The following ERCC6 variants were observed in gnomAD, a reference collection of about 807,000 sequenced individuals.
ERCC6 encodes ERCC excision repair 6, chromatin remodeling factor.
In ERCC6, 116 loss-of-function variants were observed where a neutral mutation model predicts 158.7. That is an observed-to-expected ratio of 0.73 (90% CI 0.63 to 0.85). The LOEUF is 0.85. ERCC6 is among the 40% of genes least tolerant of loss of function. The pLI, the probability that ERCC6 is intolerant of heterozygous loss-of-function variation, is 0.00. For synonymous variants in ERCC6, 678 were observed against 659.3 expected (o/e 1.03, Z -0.43); for missense variants, 1,698 against 1,799.4 (o/e 0.94, Z 1.02).
chr10:49,532,519 A>T lies in ERCC6; in HGVS notation c.422+24T>A, dbSNP rs757954437. On this transcript the variant is annotated intron_variant, in intron 2 of 20. Coordinates refer to ENST00000355832, the MANE Select transcript of ERCC6 (RefSeq NM_000124.4). ...TGTCATGTTTTACCACCACTTTGAA[A>T]GGAAGAAGATGGGCTGCACTCACGT... 2.5e-6 allele frequency: 4 copies of T among 1,612,336 alleles called. No individual in the cohort carries two copies. In the East Asian group the frequency reaches 8.9e-5, roughly 36 times the overall value.
the ERCC6 span, among the ~76,000 whole-genome samples, chr10:49,438,524 G>A: frequency 3.3e-5 from 5 of 152,070 alleles, no homozygotes; most frequent in African/African-American, 9.7e-5. Context: ...GGGAATTCTG[G>A]GAGCTACAAT....
chr10:49,519,356 C>T (rs1837084025), intron 5 of ERCC6, among the ~76,000 whole-genome samples: 1 of 152,168 alleles, frequency 6.6e-6, no homozygotes, highest in Non-Finnish European at 1.5e-5. Flanking sequence ...TGTGTATTCA[C>T]AGAACCAAAG....
chr10:49,538,558 G>A (rs1417877745), intron 1 of ERCC6, among the ~76,000 whole-genome samples: 2 of 152,284 alleles, frequency 1.3e-5, no homozygotes, highest in East Asian at 1.9e-4. Context: ...TGCCTCATCC[G>A]CCCACACTCT....
Position 49,471,266 on chromosome 10 carries a change from C to T in ERCC6, c.2925-146G>A, listed in dbSNP as rs56292234. ...CCAAACTTTCAGCCTTGGAAAATTA[C>T]AATTCAGGAAATATATAATACATCA... is the stretch of plus-strand genomic sequence containing the variant. On this transcript the variant is annotated intron_variant, in intron 16 of 20. Coordinates refer to ENST00000355832, the MANE Select transcript of ERCC6 (RefSeq NM_000124.4). The T allele has an allele frequency of 1.4e-3, 1,103 of 762,884 alleles. 7 individuals carry two copies. The African/African-American group carries it at 0.016, about 11-fold the overall frequency. The allele number at this position is 762,884 out of a possible 1,614,324, so 47.3% of individuals were successfully genotyped here.
In ERCC6 at chr10:49,459,241, AAAG is replaced by A. The variant is rs766614166; in HGVS notation, c.4063-10_4063-8del. ...CCTTTTTCATGATGCCATCCTATAA[AAAG>A]AAGACCACTATACTGATATATTTAA... is the stretch of plus-strand genomic sequence containing the variant. On this transcript the variant is annotated splice_polypyrimidine_tract_variant and splice_region_variant and intron_variant, in intron 20 of 20. Coordinates refer to ENST00000355832, the MANE Select transcript of ERCC6 (RefSeq NM_000124.4). 1 of 1,613,740 alleles carries A rather than the reference AAAG, an allele frequency of 6.2e-7. No individual in the cohort carries two copies. The highest frequency in any genetic ancestry group is 1.7e-5 in the Admixed American group (1 of 60,018).
At chr10:49,443,520 C>T in the ERCC6 span, among the ~76,000 whole-genome samples, 1 of 152,174 alleles carries the variant, frequency 6.6e-6, no homozygotes, top group Non-Finnish European at 1.5e-5. Context: ...TATCTTGATG[C>T]TGTTGTAAAC....
chr10:49,505,783 A>G (rs371055602), intron 6 of ERCC6, 101 bp downstream of exon 6: 1 of 1,400,666 alleles, frequency 7.1e-7, no homozygotes, highest in African/African-American at 1.4e-5. Context: ...TGCTGCAAGT[A>G]CCTTCAGGGC....
intron 4 of ERCC6, among the ~76,000 whole-genome samples, chr10:49,525,792 T>C (rs1279558732): frequency 6.6e-6 from 1 of 152,052 alleles, no homozygotes; most frequent in Non-Finnish European, 1.5e-5. Context: ...CACCACCAGA[T>C]GAGCCCTTCA....
chr10:49,486,868 A>G (rs1254904399), intron 8 of ERCC6, among the ~76,000 whole-genome samples: 1 of 152,240 alleles, frequency 6.6e-6, no homozygotes, highest in Non-Finnish European at 1.5e-5. Flanking sequence ...TTACAAGGCT[A>G]GCAAACCCTG....
the ERCC6 span, among the ~76,000 whole-genome samples, chr10:49,447,446 G>A: frequency 6.6e-6 from 1 of 152,244 alleles, no homozygotes; most frequent in African/African-American, 2.4e-5. Context: ...CCAGCACTTT[G>A]GGAGGCCGAG....
At chr10:49,476,098 A>G in intron 12 of ERCC6, 117 bp downstream of exon 12, 2 of 771,364 alleles carry the variant, frequency 2.6e-6, no homozygotes, top group Non-Finnish European at 2.3e-6. Context: ...ACTTCATGCA[A>G]GTGAAGTGAG....
chr10:49,470,775 GAT>G lies in ERCC6; in HGVS notation c.3183_3184del (p.Ser1062CysfsTer3), dbSNP rs1850763282. The stretch of plus-strand genomic sequence containing the variant: ...TTCAGATGATGTGGCATCATTTACA[GAT>G]ATGTTAGAAGCAGGGAACTTCTTGC... On this transcript the variant is annotated frameshift_variant, in exon 18 of 21. Transcript: ENST00000355832. LOFTEE classifies it high-confidence loss of function. 1 of 1,614,160 alleles carries G rather than the reference GAT, an allele frequency of 6.2e-7. No homozygotes were observed.
At chr10:49,507,887 G>A (rs1851470794) in intron 5 of ERCC6, among the ~76,000 whole-genome samples, 1 of 152,020 alleles carries the variant, frequency 6.6e-6, no homozygotes, top group South Asian at 2.1e-4. Flanking sequence ...TGGCATATAG[G>A]TATCCCTTAC....
At chr10:49,512,273 AAAGAG>A (rs1836834559) in intron 5 of ERCC6, among the ~76,000 whole-genome samples, 1 of 152,092 alleles carries the variant, frequency 6.6e-6, no homozygotes, top group South Asian at 2.1e-4. Context: ...AATCAAGCCA[AAAGAG>A]AAGACACAAA....
chr10:49,439,506 G>A, the ERCC6 span, among the ~76,000 whole-genome samples: 9 of 152,192 alleles, frequency 5.9e-5, no homozygotes, highest in East Asian at 1.2e-3. Flanking sequence ...CTAGGCCTTC[G>A]GGCCTGTGAT....
At chr10:49,472,683 T>A in intron 15 of ERCC6, 1 of 739,326 alleles carries the variant, frequency 1.4e-6, no homozygotes, top group Non-Finnish European at 2.2e-6. Flanking sequence ...TTGCCTATGT[T>A]CTTTTTACCC....
At chr10:49,450,969 G>A (rs573762501), downstream of ERCC6, among the ~76,000 whole-genome samples, 161 of 152,018 alleles carry the variant, frequency 1.1e-3, 2 homozygotes, top group African/African-American at 3.6e-3. Context: ...CCGCCACCAC[G>A]CCTGGCTAAT....
Position 49,470,961 on chromosome 10 carries a change from A to T in ERCC6, c.3070+14T>A, listed in dbSNP as rs1289278990. 2 of 1,613,870 alleles carry T rather than the reference A, an allele frequency of 1.2e-6. No individual in the cohort carries two copies. Among genetic ancestry groups the T allele is most frequent in the Non-Finnish European group, 1.7e-6 (2 of 1,179,976 alleles). On this transcript the variant is annotated intron_variant, in intron 17 of 20. Coordinates refer to ENST00000355832, the MANE Select transcript of ERCC6 (RefSeq NM_000124.4). ...GCAATTGATTACTTTAAATTAAATG[A>T]TTTTATGTAATACCTGCAAAAATTG...
At chr10:49,463,296 A>G (rs1363533328) in intron 18 of ERCC6, among the ~76,000 whole-genome samples, 3 of 152,228 alleles carry the variant, frequency 2.0e-5, no homozygotes, top group African/African-American at 7.2e-5. Flanking sequence ...ACTGTGACCC[A>G]TCACATGAAG....
Sources: allele counts gnomAD v4.1 joint callset (sites outside exome capture counted in the v4.1 genomes callset), GRCh38; gene constraint gnomAD v4.1.1; transcripts MANE v1.5; gene names NCBI Gene and HGNC (gene_info 2026-07-23, HGNC 2026-07-21).